Variants in THBS2 observed in about 807,000 individuals in gnomAD.
The protein encoded by THBS2 is thrombospondin 2.
Under a neutral mutation model 135.2 loss-of-function variants are expected in THBS2, and 47 were observed. The observed-to-expected ratio is 0.35, with a 90% CI of 0.28 to 0.44. The LOEUF is 0.44. Among genes scored for constraint, THBS2 ranks in the 20% least tolerant of loss-of-function variants. The pLI is 1.00. For missense variants in THBS2, 1,288 were observed against 1,603.1 expected (o/e 0.80, Z 3.36); for synonymous variants, 639 against 633.8 (o/e 1.01, Z -0.12).
intron 15 of THBS2, among the ~76,000 whole-genome samples, chr6:169,226,685 G>GA (rs1350547976): frequency 1.3e-5 from 2 of 152,050 alleles, no homozygotes; most frequent in African/African-American, 2.4e-5. Flanking sequence ...ACATGAGTAG[G>GA]AAAAAAACAA....
chr6:169,232,334 T>C, intron 12 of THBS2, 136 bp from the exon 13 acceptor site: 1 of 982,338 alleles, frequency 1.0e-6, no homozygotes, highest in South Asian at 1.5e-5. Context: ...GGAAGGGCTT[T>C]CTGGACACGC....
In THBS2 at chr6:169,239,615, G is replaced by A. The variant is rs1780221022; in HGVS notation, c.1113C>T (p.Cys371=). 1 of 1,602,712 alleles carries A rather than the reference G, an allele frequency of 6.2e-7. No individual in the cohort carries two copies. Among genetic ancestry groups the A allele is most frequent in the Non-Finnish European group, 8.5e-7 (1 of 1,175,508 alleles). ...ASPSFVEGEC[C]PSCLHSVDGE... ...GATACTCACAGTGGAGGCAGGAAGG[G>A]CAGCATTCGCCTTCCACAAAGGATG... is the stretch of plus-strand genomic sequence containing the variant. Residue 371 remains cysteine, a synonymous_variant, in exon 7 of 22, where the codon TGC becomes TGT. Transcript: ENST00000617924.
intron 16 of THBS2, among the ~76,000 whole-genome samples, chr6:169,225,694 C>T (rs1012088395): frequency 9.9e-5 from 15 of 152,154 alleles, no homozygotes; most frequent in Non-Finnish European, 1.8e-4. Context: ...ACACCATTTG[C>T]GCCATTTACA....
chr6:169,247,320 C>CT (rs1437493936), intron 3 of THBS2, among the ~76,000 whole-genome samples: 1 of 152,208 alleles, frequency 6.6e-6, no homozygotes, highest in East Asian at 1.9e-4. Flanking sequence ...GTGCTGACAA[C>CT]TGCCTGTGGC....
chr6:169,248,230 T>C (rs889853514), intron 3 of THBS2, among the ~76,000 whole-genome samples, 187 bp downstream of exon 3: 4 of 151,916 alleles, frequency 2.6e-5, no homozygotes, highest in African/African-American at 7.3e-5. Flanking sequence ...CTGCGTGTGG[T>C]GGGCAGTGTG....
At chr6:169,220,928 TA>T (rs1240999871) in intron 20 of THBS2, among the ~76,000 whole-genome samples, 1 of 152,224 alleles carries the variant, frequency 6.6e-6, no homozygotes, top group Admixed American at 6.5e-5. Context: ...TCTTGGTGCT[TA>T]TTAACTTTGA....
At chr6:169,238,510 C>G (rs1200460920) in intron 7 of THBS2, among the ~76,000 whole-genome samples, 6 of 152,210 alleles carry the variant, frequency 3.9e-5, no homozygotes, top group Non-Finnish European at 2.9e-5. Context: ...ATGTCTCCTT[C>G]TAGTCTAATG....
chr6:169,224,050 CAT>C (rs145537898), intron 17 of THBS2, among the ~76,000 whole-genome samples: 2,596 of 152,234 alleles, frequency 0.017, 71 homozygotes, highest in African/African-American at 0.059. Context: ...GAATTTGCCA[CAT>C]GTGTCCAGTC....
rs558980944 is a variant in THBS2, at chr6:169,248,599, C to T, written c.427G>A (p.Gly143Ser). ...TRHVVSLEDV[G>S]LADSQWKNVT... Reference sequence around the variant, plus strand: ...TTCTTCCACTGCGAGTCAGCCAGGCCGACGTCCTCCAGGGAGACCACATGC... The same window carrying T: ...TTCTTCCACTGCGAGTCAGCCAGGCTGACGTCCTCCAGGGAGACCACATGC... Residue 143 changes from glycine (G) to serine (S), a missense_variant, in exon 3 of 22, where the codon GGC becomes AGC. This residue lies in a region of THBS2 where 414 missense variants were observed against 447.0 expected (regional missense o/e 0.93). Coordinates refer to ENST00000617924, the MANE Select transcript of THBS2 (RefSeq NM_003247.5). 5 of 1,613,992 alleles carry T rather than the reference C, an allele frequency of 3.1e-6. No homozygotes were observed. In the East Asian group the frequency reaches 6.7e-5, roughly 22 times the overall value.
chr6:169,234,016 A>G (rs1270741518), intron 10 of THBS2, among the ~76,000 whole-genome samples: 1 of 151,160 alleles, frequency 6.6e-6, no homozygotes, highest in East Asian at 1.9e-4. Flanking sequence ...GCCACGTTCC[A>G]GACCACACAA....
chr6:169,245,530 C>A (rs558071406), intron 4 of THBS2, among the ~76,000 whole-genome samples: 15 of 152,258 alleles, frequency 9.9e-5, no homozygotes, highest in East Asian at 5.8e-4. Flanking sequence ...TGGTGGCTCA[C>A]ACCTGTAATC....
intron 10 of THBS2, 180 bp downstream of exon 10, chr6:169,234,554 G>C: frequency 2.9e-6 from 2 of 678,740 alleles, no homozygotes; most frequent in Non-Finnish European, 4.6e-6. Flanking sequence ...CATCTTTTTT[G>C]TTTTTACATT....
At chr6:169,248,312 C>T in intron 3 of THBS2, 105 bp downstream of exon 3, 1 of 1,360,758 alleles carries the variant, frequency 7.3e-7, no homozygotes, top group African/African-American at 1.4e-5. Flanking sequence ...TTCTCTAAGG[C>T]CAGGCTCTGC....
In THBS2 at chr6:169,248,912, C is replaced by T. The variant is rs1780660034; in HGVS notation, c.114G>A (p.Lys38=). The T allele has an allele frequency of 6.2e-7, 1 of 1,613,610 alleles. No individual in the cohort carries two copies. The highest frequency in any genetic ancestry group is 8.5e-7 in the Non-Finnish European group (1 of 1,179,980). Residue 38 remains lysine (K), a synonymous_variant, in exon 3 of 22, where the codon AAG becomes AAA. Coordinates refer to ENST00000617924, the MANE Select transcript of THBS2 (RefSeq NM_003247.5). ...CGCGGAACTGCTTGGCGCCAATGGTCTTGCGGTTGATGTTGCTGATACTGA... is the reference window on the plus strand; with the variant it reads ...CGCGGAACTGCTTGGCGCCAATGGTTTTGCGGTTGATGTTGCTGATACTGA... ...DLFSISNINR[K]TIGAKQFRGP...
In THBS2 at chr6:169,223,352, G is replaced by A. The variant is rs1035222697; in HGVS notation, c.2897C>T (p.Pro966Leu). 1 of 1,614,166 alleles carries A rather than the reference G, an allele frequency of 6.2e-7. No individual in the cohort carries two copies. Among genetic ancestry groups the A allele is most frequent in the Middle Eastern group, 1.6e-4 (1 of 6,062 alleles). Reference sequence around the variant, plus strand: ...TTGGGTGGTCCCTTTGGGATCCAAGGGGACCATCTGGAAGTTCCTGAAGTC... The same window carrying A: ...TTGGGTGGTCCCTTTGGGATCCAAGAGGACCATCTGGAAGTTCCTGAAGTC... ...ETDFRNFQMV[P>L]LDPKGTTQID... Residue 966 changes from proline (P) to leucine (L), a missense_variant, in exon 18 of 22, where the codon CCC becomes CTC. Physicochemically the swap from Pro to Leu is moderately conservative, Grantham distance 98 (BLOSUM62 -3). This residue lies in a region of THBS2 where 874 missense variants were observed against 1,156.1 expected (regional missense o/e 0.76). Transcript: ENST00000617924.
rs560164841 is a variant in THBS2 at position 169,248,189 on chromosome 6, GGT to G, written c.609+226_609+227del. Reference sequence around the variant, plus strand: ...AGCATGTGTGTTTGTGTGTGTGTGTGGTGTGTGTGCATGTGTGCACATGCCTG... The same window carrying G: ...AGCATGTGTGTTTGTGTGTGTGTGTGGTGTGTGCATGTGTGCACATGCCTG... On this transcript the variant is annotated intron_variant, in intron 3 of 21. Coordinates refer to ENST00000617924, the MANE Select transcript of THBS2 (RefSeq NM_003247.5). Among the ~76,000 whole-genome samples, 7 of 151,822 alleles carry G rather than the reference GGT, an allele frequency of 4.6e-5. No homozygotes were observed. In the South Asian group the frequency reaches 1.5e-3, roughly 32 times the overall value.
chr6:169,235,645 A>G (rs1780006012), intron 9 of THBS2, among the ~76,000 whole-genome samples: 1 of 151,782 alleles, frequency 6.6e-6, no homozygotes, highest in African/African-American at 2.4e-5. Flanking sequence ...TCCTCTGTCC[A>G]CACTCACTAC....
chr6:169,220,446 G>A (rs36045897), intron 20 of THBS2, 109 bp from the exon 21 acceptor site: 267,167 of 1,380,210 alleles, frequency 0.19, 26,659 homozygotes, highest in African/African-American at 0.25. Context: ...TGGATACTCC[G>A]CCCAGGGCTT....
chr6:169,232,048 A>G lies in THBS2; in HGVS notation c.2083T>C (p.Ser695Pro). ...AGDGLICGED[S>P]DLDGWPNLNL... The stretch of plus-strand genomic sequence containing the variant: ...AGGTTGGGCCAGCCGTCCAGGTCCG[A>G]GTCCTCCCCGCAGATGAGCCCGTCG... The change falls in exon 13 of 22, where the codon TCG (serine) becomes CCG (proline). Residue 695 changes from serine to proline, a missense_variant. Ser to Pro is a moderately conservative substitution (Grantham distance 74). Transcript: ENST00000617924. The G allele has an allele frequency of 1.2e-6, 2 of 1,614,006 alleles. No individual in the cohort carries two copies.
Sources: allele counts gnomAD v4.1 joint callset (sites outside exome capture counted in the v4.1 genomes callset), GRCh38; gene constraint gnomAD v4.1.1; regional missense constraint gnomAD v4.1.1; transcripts MANE v1.5; gene names NCBI Gene and HGNC (gene_info 2026-07-23, HGNC 2026-07-21).